TRIM13: variants seen among roughly 807,000 people sequenced by gnomAD.
TRIM13 encodes E3 ubiquitin-protein ligase TRIM13.
Under a neutral mutation model 27.1 loss-of-function variants are expected in TRIM13, and 15 were observed. The ratio of observed to expected loss-of-function variants is 0.55; its 90% CI spans 0.37 to 0.85. The LOEUF is 0.85. Ranked by LOEUF, TRIM13 falls within the 40% of genes least tolerant of loss-of-function variation. TRIM13 has a pLI of 0.00. For synonymous variants in TRIM13, 193 were observed against 171.5 expected (o/e 1.13, Z -0.98); for missense variants, 402 against 472.2 (o/e 0.85, Z 1.38).
Position 50,014,647 on chromosome 13 carries a change from C to A in TRIM13, c.*1483C>A, listed in dbSNP as rs1876151893. On this transcript the variant is annotated 3_prime_UTR_variant, in exon 2 of 2. Transcript: ENST00000378182. ...TGTCTGCTCACAAGAGATAAAGATA[C>A]CCTCTCATGGAATAAACACCTTGCT... 1 of 166,514 alleles carries A rather than the reference C, an allele frequency of 6.0e-6. No homozygotes were observed. The highest frequency in any genetic ancestry group is 6.6e-5 in the Admixed American group (1 of 15,196). 10.3% of individuals were successfully genotyped at this position (166,514 alleles called of 1,614,324 possible).
At position 50,012,969 on chromosome 13, in the gene TRIM13, C is replaced by A. The variant is rs371469381; in HGVS notation, c.1029C>A (p.Asp343Glu). The A allele has an allele frequency of 6.2e-7, 1 of 1,613,728 alleles. No homozygotes were observed. Among genetic ancestry groups the A allele is most frequent in the South Asian group, 1.1e-5 (1 of 91,052 alleles). Reference sequence around the variant, plus strand: ...TCCTAGAATGGTCATTATTTGATGACCTGGCAACTTGGAAAGGCTGTCTTT... The same window carrying A: ...TCCTAGAATGGTCATTATTTGATGAACTGGCAACTTGGAAAGGCTGTCTTT... ...TMFLEWSLFD[D>E]LATWKGCLSN... Residue 343 changes from aspartate to glutamate, a missense_variant, in exon 2 of 2, where the codon GAC becomes GAA. By Grantham distance (45) the Asp-to-Glu change is conservative. Coordinates refer to ENST00000378182, the MANE Select transcript of TRIM13 (RefSeq NM_213590.3).
At position 49,997,113 on chromosome 13, in the gene TRIM13, C is replaced by T. The variant is rs1308790711; in HGVS notation, c.-657C>T. On this transcript the variant is annotated 5_prime_UTR_variant, in exon 1 of 2. Transcript: ENST00000378182. ...AGTTGGAGGACGGGCGGTCGCGCGG[C>T]CTTTCCCACTAGCCGGAGGTCGGAG... is the stretch of plus-strand genomic sequence containing the variant. The T allele has an allele frequency of 6.6e-6, 1 of 151,814 alleles. No homozygotes were observed. The highest frequency in any genetic ancestry group is 2.4e-5 in the African/African-American group (1 of 41,278). 9.4% of individuals were successfully genotyped at this position (151,814 alleles called of 1,614,324 possible). A position where few individuals can be genotyped will look rare whatever the true frequency, so the allele number is the denominator to read the frequency against.
chr13:49,998,187 C>T (rs1362613709), intron 1 of TRIM13, among the ~76,000 whole-genome samples: 2 of 152,120 alleles, frequency 1.3e-5, no homozygotes, highest in African/African-American at 4.8e-5. Flanking sequence ...AGCTGTTAAC[C>T]GGCTATACTT....
chr13:50,015,095 ATATATATATAT>A lies in TRIM13; in HGVS notation c.*1932_*1942del, dbSNP rs1164708171. 7.2e-4 allele frequency: 12 copies of A among 16,704 alleles called. 1 individual carries two copies. The highest frequency in any genetic ancestry group is 3.6e-3 in the African/African-American group (11 of 3,094). The allele number at this position is 16,704 out of a possible 1,614,324, so 1.0% of individuals were successfully genotyped here. A position where few individuals can be genotyped will look rare whatever the true frequency, so the allele number is the denominator to read the frequency against. On this transcript the variant is annotated 3_prime_UTR_variant, in exon 2 of 2. Transcript: ENST00000378182. ...AGTAATAAAAAAAAAAAAAAAAAAA[ATATATATATAT>A]ATATATATATATATATATATATATA...
intron 1 of TRIM13, among the ~76,000 whole-genome samples, chr13:50,009,020 C>CAA (rs35407149): frequency 0.024 from 1,573 of 65,856 alleles, 27 homozygotes; most frequent in Middle Eastern, 0.043. Flanking sequence ...AAAGCTGTCT[C>CAA]AAAAAAAAAA....
chr13:50,009,949 A>G (rs1875376185), intron 1 of TRIM13, among the ~76,000 whole-genome samples: 1 of 151,818 alleles, frequency 6.6e-6, no homozygotes, highest in South Asian at 2.1e-4. Context: ...AAAAGAAAAG[A>G]AAAGGAAATA....
In TRIM13 at chr13:50,009,308, G is replaced by A. The variant is rs75533760; in HGVS notation, c.-6-2627G>A. Reference sequence around the variant, plus strand: ...TAACCTGTTGGAATATATTATTTTGGTTGAAATAAACGAAGAAGGCTGGGT... The same window carrying A: ...TAACCTGTTGGAATATATTATTTTGATTGAAATAAACGAAGAAGGCTGGGT... On this transcript the variant is annotated intron_variant, in intron 1 of 1. Transcript: ENST00000378182. 1.2e-3 allele frequency among the ~76,000 whole-genome samples: 190 copies of A among 152,218 alleles called. 2 individuals carry two copies. Among genetic ancestry groups the A allele is most frequent in the African/African-American group, 4.5e-3 (185 of 41,534 alleles).
In TRIM13 at chr13:50,012,974, C is replaced by T. The variant is rs200795460; in HGVS notation, c.1034C>T (p.Ala345Val). 44 of 1,613,748 alleles carry T rather than the reference C, an allele frequency of 2.7e-5. No individual in the cohort carries two copies. The East Asian group carries it at 9.6e-4, about 35-fold the overall frequency. Residue 345 changes from alanine to valine, a missense_variant, in exon 2 of 2, where the codon GCA becomes GTA. Physicochemically the swap from Ala to Val is moderately conservative, Grantham distance 64. This residue lies in a region of TRIM13 where 200 missense variants were observed against 194.7 expected (regional missense o/e 1.03). Coordinates refer to ENST00000378182, the MANE Select transcript of TRIM13 (RefSeq NM_213590.3). ...GAATGGTCATTATTTGATGACCTGG[C>T]AACTTGGAAAGGCTGTCTTTCAAAC... Reference protein sequence around the residue: ...FLEWSLFDDLATWKGCLSNFS... With the variant: ...FLEWSLFDDLVTWKGCLSNFS...
chr13:50,013,430 A>G lies in TRIM13; in HGVS notation c.*266A>G. On this transcript the variant is annotated 3_prime_UTR_variant, in exon 2 of 2. Transcript: ENST00000378182. ...GTTGTATTTATGCTGTGATAAAAAT[A>G]GGTGAGAGATCATATGATCTAATAT... is the stretch of plus-strand genomic sequence containing the variant. 1 of 298,524 alleles carries G rather than the reference A, an allele frequency of 3.3e-6. No individual in the cohort carries two copies. 18.5% of individuals were successfully genotyped at this position (298,524 alleles called of 1,614,324 possible). A position where few individuals can be genotyped will look rare whatever the true frequency, so the allele number is the denominator to read the frequency against.
chr13:50,006,717 A>G (rs1028487069), intron 1 of TRIM13, among the ~76,000 whole-genome samples: 4 of 152,126 alleles, frequency 2.6e-5, no homozygotes, highest in African/African-American at 9.7e-5. Flanking sequence ...TTCTCTTTCC[A>G]ATGCTTTTCA....
chr13:50,005,009 G>A (rs1200534035), intron 1 of TRIM13, among the ~76,000 whole-genome samples: 2 of 151,976 alleles, frequency 1.3e-5, no homozygotes, highest in African/African-American at 4.8e-5. Context: ...CCAGGAGGCA[G>A]AGGTTGCAGT....
rs1016862593 is a variant in TRIM13, at chr13:50,015,885, A to C, written c.*2721A>C. 9.3e-6 allele frequency: 15 copies of C among 1,614,092 alleles called. No individual in the cohort carries two copies. Among genetic ancestry groups the C allele is most frequent in the Non-Finnish European group, 1.3e-5 (15 of 1,179,996 alleles). The stretch of plus-strand genomic sequence containing the variant: ...TTCAGGGTGTTTGGCTCTTGCAGCA[A>C]AACAATTGAGATGCTAACAGGGAGG... On this transcript the variant is annotated 3_prime_UTR_variant, in exon 2 of 2. Transcript: ENST00000378182.
intron 1 of TRIM13, among the ~76,000 whole-genome samples, chr13:50,000,514 A>G (rs781047495): frequency 3.3e-5 from 5 of 152,240 alleles, no homozygotes; most frequent in Admixed American, 6.5e-5. Flanking sequence ...ATAAATGAGC[A>G]ATAAGAAAGC....
At chr13:50,009,020 C>CAAAAA (rs35407149) in intron 1 of TRIM13, among the ~76,000 whole-genome samples, 19 of 68,044 alleles carry the variant, frequency 2.8e-4, no homozygotes, top group African/African-American at 9.9e-4. Context: ...AAAGCTGTCT[C>CAAAAA]AAAAAAAAAA....
At chr13:50,000,213 G>A (rs954306289) in intron 1 of TRIM13, among the ~76,000 whole-genome samples, 1 of 152,096 alleles carries the variant, frequency 6.6e-6, no homozygotes, top group African/African-American at 2.4e-5. Context: ...TAAAACTATG[G>A]TTTTATTTAA....
rs943603251 is a variant in TRIM13, at chr13:49,997,085, T to C, written c.-685T>C. 2 of 150,840 alleles carry C rather than the reference T, an allele frequency of 1.3e-5. No homozygotes were observed. The highest frequency in any genetic ancestry group is 2.9e-5 in the Non-Finnish European group (2 of 67,874). The allele number at this position is 150,840 out of a possible 1,614,324, so 9.3% of individuals were successfully genotyped here. ...TGCTTGGCGCGTACCGTGCGGTCCC[T>C]GTAGTTGGAGGACGGGCGGTCGCGC... On this transcript the variant is annotated 5_prime_UTR_variant, in exon 1 of 2. Transcript: ENST00000378182.
rs1566428630 is a variant in TRIM13 at position 49,997,465 on chromosome 13, C to G, written c.-305C>G. ...GTGGGCCTTAGGTTACAGCGCGCCG[C>G]CAGCGTTTGGTTGCATGGCGCCGGG... On this transcript the variant is annotated 5_prime_UTR_variant, in exon 1 of 2. Transcript: ENST00000378182. 6.6e-6 allele frequency: 1 copy of G among 152,076 alleles called. No homozygotes were observed. Among genetic ancestry groups the G allele is most frequent in the Non-Finnish European group, 1.5e-5 (1 of 68,056 alleles). The allele number at this position is 152,076 out of a possible 1,614,324, so 9.4% of individuals were successfully genotyped here. A position where few individuals can be genotyped will look rare whatever the true frequency, so the allele number is the denominator to read the frequency against.
rs374330187 is a variant in TRIM13 at position 50,016,091 on chromosome 13, A to G, written c.*2927A>G. The G allele has an allele frequency of 6.4e-7, 1 of 1,571,440 alleles. No individual in the cohort carries two copies. Among genetic ancestry groups the G allele is most frequent in the African/African-American group, 1.4e-5 (1 of 73,974 alleles). Reference sequence around the variant, plus strand: ...AGTCAGGTATTTTGTACTTTGCAGTATTTCTCTTGTATACCAGTTTGTGAT... The same window carrying G: ...AGTCAGGTATTTTGTACTTTGCAGTGTTTCTCTTGTATACCAGTTTGTGAT... On this transcript the variant is annotated 3_prime_UTR_variant, in exon 2 of 2. Transcript: ENST00000378182.
Position 50,016,110 on chromosome 13 carries a change from T to G in TRIM13, c.*2946T>G. On this transcript the variant is annotated 3_prime_UTR_variant, in exon 2 of 2. Coordinates refer to ENST00000378182, the MANE Select transcript of TRIM13 (RefSeq NM_213590.3). ...TGCAGTATTTCTCTTGTATACCAGTTTGTGATGTTTTCTCTAAAAACTTGA... is the reference window on the plus strand; with the variant it reads ...TGCAGTATTTCTCTTGTATACCAGTGTGTGATGTTTTCTCTAAAAACTTGA... 6.9e-7 allele frequency: 1 copy of G among 1,442,142 alleles called. No homozygotes were observed. Among genetic ancestry groups the G allele is most frequent in the Non-Finnish European group, 9.6e-7 (1 of 1,039,430 alleles). 89.3% of individuals were successfully genotyped at this position (1,442,142 alleles called of 1,614,324 possible).
Sources: gnomAD v4.1 joint callset for allele counts (sites outside exome capture counted in the v4.1 genomes callset) on GRCh38, gnomAD v4.1.1 for gene constraint, gnomAD v4.1.1 regional missense constraint, MANE v1.5 for transcripts, NCBI Gene and HGNC (gene_info 2026-07-23, HGNC 2026-07-21) for gene names.